DRD2: variants seen among roughly 807,000 people sequenced by gnomAD.
The protein encoded by DRD2 is dopamine receptor D2.
In DRD2, 8 loss-of-function variants were observed where a neutral mutation model predicts 38.0. The observed-to-expected ratio is 0.21, with a 90% confidence interval of 0.12 to 0.38. The LOEUF (loss-of-function observed/expected upper bound fraction) is 0.38, where lower values mean the gene tolerates loss of function less well. Among genes scored for constraint, DRD2 ranks in the 10% least tolerant of loss-of-function variants. The probability of loss-of-function intolerance (pLI) is 1.00; values close to 1 mark genes in which losing one functional copy is unlikely to be tolerated. For missense variants in DRD2, 403 were observed against 607.7 expected, an observed-to-expected ratio of 0.66 and a Z score of 3.54; for synonymous variants, 230 against 238.6, an observed-to-expected ratio of 0.96 and a Z score of 0.33.
intron 5 of DRD2, 151 bp from the exon 6 acceptor site, chr11:113,414,612 GGGAAGGC>G (rs1447055392): frequency 1.3e-6 from 1 of 771,520 alleles, no homozygotes; most frequent in Non-Finnish European, 2.2e-6. Context: ...TGGGGCAAGG[GGGAAGGC>G]TGGAATGAGA....
At chr11:113,427,654 T>C (rs959763011) in intron 1 of DRD2, among the ~76,000 whole-genome samples, 1 of 152,178 alleles carries the variant, frequency 6.6e-6, no homozygotes, top group African/African-American at 2.4e-5. Flanking sequence ...CCCTTCCCAC[T>C]TGAAAGGCAC....
chr11:113,441,920 G>C (rs889475749), intron 1 of DRD2, among the ~76,000 whole-genome samples: 6 of 150,700 alleles, frequency 4.0e-5, no homozygotes, highest in Admixed American at 6.6e-5. Flanking sequence ...TGCACTCCAG[G>C]CTGGGTGACA....
chr11:113,428,014 C>T (rs965976971), intron 1 of DRD2, among the ~76,000 whole-genome samples: 1 of 152,116 alleles, frequency 6.6e-6, no homozygotes, highest in Non-Finnish European at 1.5e-5. Context: ...ATCTGCTAGC[C>T]ATGGAGAGAG....
At chr11:113,440,795 A>G (rs1024829655) in intron 1 of DRD2, among the ~76,000 whole-genome samples, 6 of 152,236 alleles carry the variant, frequency 3.9e-5, no homozygotes, top group African/African-American at 1.4e-4. Flanking sequence ...ACCCCAGACT[A>G]GAGCCACCAT....
intron 1 of DRD2, among the ~76,000 whole-genome samples, chr11:113,453,393 G>A (rs556065778): frequency 1.3e-5 from 2 of 152,260 alleles, no homozygotes; most frequent in African/African-American, 4.8e-5. Context: ...CTGATGCCTG[G>A]TATACCATAC....
At chr11:113,472,248 T>C (rs1951435571) in intron 1 of DRD2, among the ~76,000 whole-genome samples, 1 of 152,228 alleles carries the variant, frequency 6.6e-6, no homozygotes, top group Non-Finnish European at 1.5e-5. Context: ...CACTAAAATG[T>C]AACTTTTACT....
At chr11:113,415,684 A>G (rs938915699) in intron 4 of DRD2, 73 bp from the exon 5 acceptor site, 5 of 1,513,630 alleles carry the variant, frequency 3.3e-6, no homozygotes, top group African/African-American at 1.4e-5. Context: ...GAGCCCATTC[A>G]TGTCCTTCCA....
rs1013925475 is a variant in DRD2 at position 113,464,109 on chromosome 11, C to T, written c.-32+10967G>A. Among the ~76,000 whole-genome samples, 6 of 152,236 alleles carry T rather than the reference C, an allele frequency of 3.9e-5. No homozygotes were observed. The East Asian group carries it at 9.6e-4, about 24-fold the overall frequency. On this transcript the variant is annotated intron_variant, in intron 1 of 7. Transcript: ENST00000362072. ...TCTCTCATCCACATCTTTATACCCA[C>T]TTGCCACCCTGTCTTCACCTTTCTT...
chr11:113,415,292 C>A lies in DRD2; in HGVS notation c.723+129G>T, dbSNP rs1260888492. On this transcript the variant is annotated intron_variant, in intron 5 of 7. Transcript: ENST00000362072. Reference sequence around the variant, plus strand: ...TTCAAAATCTGCCCTTGCCCGGCTCCTGGGAATTCCTTTAGCCTAGACCTA... The same window carrying A: ...TTCAAAATCTGCCCTTGCCCGGCTCATGGGAATTCCTTTAGCCTAGACCTA... 8 of 1,244,316 alleles carry A rather than the reference C, an allele frequency of 6.4e-6. No individual in the cohort carries two copies. The African/African-American group carries it at 1.2e-4, about 19-fold the overall frequency. 77.1% of individuals were successfully genotyped at this position (1,244,316 alleles called of 1,614,324 possible).
intron 1 of DRD2, chr11:113,424,907 A>G (rs1950925487): frequency 9.0e-6 from 5 of 558,044 alleles, no homozygotes; most frequent in Middle Eastern, 4.8e-4. Flanking sequence ...TTAAAAATGC[A>G]TAATAAGATG....
chr11:113,454,499 T>C (rs755499329), intron 1 of DRD2, among the ~76,000 whole-genome samples: 2 of 152,186 alleles, frequency 1.3e-5, no homozygotes, highest in Non-Finnish European at 2.9e-5. Flanking sequence ...TTTCCCTCTG[T>C]AACTTGTGAC....
At position 113,470,561 on chromosome 11, in the gene DRD2, C is replaced by T. The variant is rs34179357; in HGVS notation, c.-32+4515G>A. The stretch of plus-strand genomic sequence containing the variant: ...TCCTTCCCCTCCCTGTCCCTTCAGA[C>T]AGCAAAGAATTCCCTCATCTCCTAC... On this transcript the variant is annotated intron_variant, in intron 1 of 7. Transcript: ENST00000362072. Among the ~76,000 whole-genome samples the T allele has an allele frequency of 2.3e-3, 346 of 152,340 alleles. 1 individual carries two copies. The highest frequency in any genetic ancestry group is 3.8e-3 in the Non-Finnish European group (261 of 68,028).
At position 113,410,230 on chromosome 11, in the gene DRD2, G is replaced by T. The variant is rs200824645; in HGVS notation, c.*497C>A. ...AACCTGCAGTCTGGTATTTACATGG[G>T]TCTCCCAGGACTGAAGTTGCCTGGC... On this transcript the variant is annotated 3_prime_UTR_variant, in exon 8 of 8. Transcript: ENST00000362072. The T allele has an allele frequency of 1.8e-5, 4 of 225,108 alleles. No individual in the cohort carries two copies. The highest frequency in any genetic ancestry group is 3.6e-5 in the Non-Finnish European group (4 of 111,898). 13.9% of individuals were successfully genotyped at this position (225,108 alleles called of 1,614,324 possible).
chr11:113,462,599 C>T (rs953493629), intron 1 of DRD2, among the ~76,000 whole-genome samples: 1 of 152,216 alleles, frequency 6.6e-6, no homozygotes, highest in Non-Finnish European at 1.5e-5. Context: ...TTAGAGGAAG[C>T]ATGGCCATGC....
At chr11:113,421,162 C>G (rs1183655625) in intron 2 of DRD2, among the ~76,000 whole-genome samples, 1 of 152,020 alleles carries the variant, frequency 6.6e-6, no homozygotes, top group Non-Finnish European at 1.5e-5. Flanking sequence ...ATGCAAGTGT[C>G]TCCCTCCCTC....
intron 1 of DRD2, among the ~76,000 whole-genome samples, chr11:113,458,127 T>A (rs1390771957): frequency 6.6e-6 from 1 of 152,248 alleles, no homozygotes; most frequent in African/African-American, 2.4e-5. Flanking sequence ...GAAAAACAAC[T>A]GCCTGAGGCA....
rs555854687 is a variant in DRD2, at chr11:113,424,761, C to A, written c.-31-79G>T. 81 of 1,351,942 alleles carry A rather than the reference C, an allele frequency of 6.0e-5. 2 individuals are homozygous for A. The South Asian group carries it at 9.5e-4, about 16-fold the overall frequency. The allele number at this position is 1,351,942 out of a possible 1,614,324, so 83.7% of individuals were successfully genotyped here. ...CTCCAGGAAGAAGACCAACTCCTGGCATTTAATAATGAGAATTTTCCAACT... is the reference window on the plus strand; with the variant it reads ...CTCCAGGAAGAAGACCAACTCCTGGAATTTAATAATGAGAATTTTCCAACT... On this transcript the variant is annotated intron_variant, in intron 1 of 7. Transcript: ENST00000362072.
At chr11:113,462,087 A>C (rs1273420298) in intron 1 of DRD2, among the ~76,000 whole-genome samples, 1 of 152,152 alleles carries the variant, frequency 6.6e-6, no homozygotes, top group Non-Finnish European at 1.5e-5. Flanking sequence ...CAGTTGTACT[A>C]ATTGCTTTCT....
At chr11:113,461,056 T>A (rs868775946) in intron 1 of DRD2, among the ~76,000 whole-genome samples, 29 of 152,216 alleles carry the variant, frequency 1.9e-4, no homozygotes, top group African/African-American at 5.5e-4. Context: ...GACATCCAGA[T>A]TGGAAAGCCC....
Sources: allele counts gnomAD v4.1 joint callset (sites outside exome capture counted in the v4.1 genomes callset), GRCh38; gene constraint gnomAD v4.1.1; transcripts MANE v1.5; gene names NCBI Gene and HGNC (gene_info 2026-07-23, HGNC 2026-07-21).